The following CRB1 variants were observed in gnomAD, a reference collection of about 807,000 sequenced individuals.
CRB1 encodes crumbs cell polarity complex component 1.
In CRB1, 83 loss-of-function variants were observed where a neutral mutation model predicts 120.0. The ratio of observed to expected loss-of-function variants is 0.69; its 90% confidence interval spans 0.58 to 0.83. The LOEUF is 0.83. Among genes scored for constraint, CRB1 ranks in the 40% least tolerant of loss-of-function variants. The probability of loss-of-function intolerance (pLI) is 0.00; values close to 1 mark genes in which losing one functional copy is unlikely to be tolerated. For missense variants in CRB1, 1,699 were observed against 1,687.6 expected (o/e 1.01, Z -0.12); for synonymous variants, 625 against 612.5 (o/e 1.02, Z -0.30).
At chr1:197,322,786 C>G (rs756152868) in intron 1 of CRB1, among the ~76,000 whole-genome samples, 2 of 152,152 alleles carry the variant, frequency 1.3e-5, no homozygotes, top group Non-Finnish European at 2.9e-5. Flanking sequence ...TTCATATGAA[C>G]ATTAATGTTT....
At chr1:197,474,133 T>A (rs140804210) in intron 11 of CRB1, among the ~76,000 whole-genome samples, 2 of 152,366 alleles carry the variant, frequency 1.3e-5, no homozygotes, top group Non-Finnish European at 2.9e-5. Context: ...GGTATACTAA[T>A]GACTACTAAT....
chr1:197,377,787 T>C (rs1322976800), intron 5 of CRB1, among the ~76,000 whole-genome samples: 2 of 152,194 alleles, frequency 1.3e-5, no homozygotes, highest in African/African-American at 4.8e-5. Flanking sequence ...GAAAGGCTTT[T>C]GTTAAAAATG....
the CRB1 span, among the ~76,000 whole-genome samples, chr1:197,248,059 A>G: frequency 6.6e-6 from 1 of 152,022 alleles, no homozygotes; most frequent in Non-Finnish European, 1.5e-5. Context: ...ATAAATCAAA[A>G]TTGTATATTT....
Position 197,477,702 on chromosome 1 carries a change from T to G in CRB1, c.4044T>G (p.Ile1348Met), listed in dbSNP as rs1231008096. 1.9e-6 allele frequency: 3 copies of G among 1,613,808 alleles called. No individual in the cohort carries two copies. In the East Asian group the frequency reaches 6.7e-5, roughly 36 times the overall value. Residue 1348 changes from isoleucine (I) to methionine (M), a missense_variant, in exon 12 of 12, where the codon ATT (isoleucine) becomes ATG (methionine). Ile to Met is a conservative substitution (Grantham distance 10). Coordinates refer to ENST00000367400, the MANE Select transcript of CRB1 (RefSeq NM_201253.3). Reference protein sequence around the residue: ...DDLISDIFTTIGSVTVALLLI... With the variant: ...DDLISDIFTTMGSVTVALLLI... ...TGATCTCCGACATTTTCACCACTATTGGCTCAGTGACTGTCGCCTTGTTAC... is the reference window on the plus strand; with the variant it reads ...TGATCTCCGACATTTTCACCACTATGGGCTCAGTGACTGTCGCCTTGTTAC...
At chr1:197,410,503 A>C (rs1663651018) in intron 5 of CRB1, among the ~76,000 whole-genome samples, 1 of 152,232 alleles carries the variant, frequency 6.6e-6, no homozygotes, top group African/African-American at 2.4e-5. Flanking sequence ...TTATGGCAAG[A>C]CAAGCAACAT....
chr1:197,286,450 A>T (rs1029141963), intron 1 of CRB1, among the ~76,000 whole-genome samples: 4 of 151,928 alleles, frequency 2.6e-5, no homozygotes, highest in African/African-American at 9.7e-5. Context: ...TGTTATTCCC[A>T]CTAAACCACC....
At chr1:197,340,916 C>A (rs1403738717) in intron 2 of CRB1, among the ~76,000 whole-genome samples, 1 of 152,176 alleles carries the variant, frequency 6.6e-6, no homozygotes, top group Admixed American at 6.5e-5. Context: ...CACAGTTCCA[C>A]ATGGCTGGGG....
At chr1:197,299,747 C>A (rs1328563680) in intron 1 of CRB1, among the ~76,000 whole-genome samples, 3 of 150,450 alleles carry the variant, frequency 2.0e-5, no homozygotes, top group Non-Finnish European at 4.4e-5. Flanking sequence ...CCAAAAAAGG[C>A]AGGACTCCAT....
At position 197,460,306 on chromosome 1, in the gene CRB1, G is replaced by C. The variant is rs117068390; in HGVS notation, c.4006-17358G>C. On this transcript the variant is annotated intron_variant, in intron 11 of 11. Coordinates refer to ENST00000367400, the MANE Select transcript of CRB1 (RefSeq NM_201253.3). ...TTTACTCACTTCAGAAAATTTCTAA[G>C]TTGTGCAGATCAATATAAAAGGTGC... is the stretch of plus-strand genomic sequence containing the variant. Among the ~76,000 whole-genome samples the C allele has an allele frequency of 3.2e-4, 48 of 152,160 alleles. No homozygotes were observed. In the East Asian group the frequency reaches 7.9e-3, roughly 25 times the overall value.
intron 3 of CRB1, 44 bp from the exon 4 acceptor site, chr1:197,347,296 C>T (rs756362313): frequency 1.3e-6 from 2 of 1,558,706 alleles, no homozygotes; most frequent in Non-Finnish European, 8.8e-7. Context: ...TATCTGATCT[C>T]AATATGACTA....
chr1:197,219,091 A>G, the CRB1 span, among the ~76,000 whole-genome samples: 1 of 152,334 alleles, frequency 6.6e-6, no homozygotes, highest in African/African-American at 2.4e-5. Context: ...GGCCACTGAA[A>G]AGGCTCATAA....
intron 5 of CRB1, among the ~76,000 whole-genome samples, chr1:197,382,137 T>A (rs1462814012): frequency 1.3e-5 from 2 of 152,194 alleles, no homozygotes; most frequent in African/African-American, 4.8e-5. Context: ...TAATATTATC[T>A]GTGGCCCTAT....
Position 197,328,854 on chromosome 1 carries a change from A to T in CRB1, c.503A>T (p.Asp168Val), listed in dbSNP as rs759499462. 3 of 1,613,794 alleles carry T rather than the reference A, an allele frequency of 1.9e-6. No homozygotes were observed. The Admixed American group carries it at 5.0e-5, about 27-fold the overall frequency. ...GGGGCCGTGTGCCAGGATGGAATTG[A>T]TGGTTACTCCTGCTTCTGTGTCCCA... ...QNGAVCQDGIDGYSCFCVPGY... is the reference protein window; with the variant it reads ...QNGAVCQDGIVGYSCFCVPGY... Residue 168 changes from aspartate (D) to valine (V), a missense_variant, in exon 2 of 12, where the codon GAT becomes GTT. Transcript: ENST00000367400.
At chr1:197,288,257 C>T (rs1655950782) in intron 1 of CRB1, among the ~76,000 whole-genome samples, 1 of 151,828 alleles carries the variant, frequency 6.6e-6, no homozygotes, top group Admixed American at 6.6e-5. Flanking sequence ...TAATGCCCAG[C>T]ACTCACAGAG....
At chr1:197,418,693 A>G (rs1318052920) in intron 5 of CRB1, among the ~76,000 whole-genome samples, 1 of 152,208 alleles carries the variant, frequency 6.6e-6, no homozygotes, top group Non-Finnish European at 1.5e-5. Context: ...AATGCATTAT[A>G]TAAATATTTA....
intron 1 of CRB1, among the ~76,000 whole-genome samples, chr1:197,316,910 C>CAAAA (rs201313713): frequency 1.5e-5 from 2 of 136,082 alleles, no homozygotes; most frequent in African/African-American, 5.5e-5. Flanking sequence ...ACAATGGCTA[C>CAAAA]AAAAAAAAAA....
At chr1:197,353,567 G>A (rs1660231340) in intron 4 of CRB1, among the ~76,000 whole-genome samples, 1 of 152,186 alleles carries the variant, frequency 6.6e-6, no homozygotes, top group East Asian at 1.9e-4. Flanking sequence ...TTGGGAGGCC[G>A]AGGCGCGTGG....
intron 6 of CRB1, among the ~76,000 whole-genome samples, chr1:197,425,933 G>C (rs901372992): frequency 4.0e-5 from 6 of 151,668 alleles, no homozygotes; most frequent in African/African-American, 1.5e-4. Context: ...GTTGAAGGTG[G>C]GGCCGATGGA....
intron 1 of CRB1, among the ~76,000 whole-genome samples, chr1:197,312,921 A>G (rs904176085): frequency 3.9e-5 from 6 of 152,078 alleles, no homozygotes; most frequent in Non-Finnish European, 7.3e-5. Context: ...AAGTTTTTTT[A>G]TTTTTTAAAT....
Sources: gnomAD v4.1 joint callset for allele counts (sites outside exome capture counted in the v4.1 genomes callset) on GRCh38, gnomAD v4.1.1 for gene constraint, MANE v1.5 for transcripts, NCBI Gene and HGNC (gene_info 2026-07-23, HGNC 2026-07-21) for gene names.